The following HNF1B variants were observed in gnomAD, a reference collection of about 807,000 sequenced individuals.
HNF1B encodes hepatocyte nuclear factor 1-beta.
In HNF1B, 8 loss-of-function variants were observed where a neutral mutation model predicts 61.7. The observed-to-expected ratio is 0.13, with a 90% confidence interval of 0.08 to 0.23. HNF1B has a LOEUF of 0.23. Among genes scored for constraint, HNF1B ranks in the 10% least tolerant of loss-of-function variants. HNF1B has a pLI of 1.00. For synonymous variants in HNF1B, 314 were observed against 287.7 expected (o/e 1.09, Z -0.93); for missense variants, 562 against 714.5 (o/e 0.79, Z 2.43).
intron 1 of HNF1B, among the ~76,000 whole-genome samples, chr17:37,742,690 T>TA (rs2034031129): frequency 6.6e-6 from 1 of 151,860 alleles, no homozygotes; most frequent in East Asian, 2.0e-4. Context: ...GCCTGGGGCT[T>TA]TGGGGAGGGA....
intron 4 of HNF1B, among the ~76,000 whole-genome samples, chr17:37,719,723 A>G (rs559825682): frequency 6.6e-6 from 1 of 152,382 alleles, no homozygotes; most frequent in East Asian, 1.9e-4. Flanking sequence ...AGACTGAGCC[A>G]CTGGGTGTCC....
chr17:37,727,490 C>G (rs1026436909), intron 4 of HNF1B, among the ~76,000 whole-genome samples: 1 of 152,206 alleles, frequency 6.6e-6, no homozygotes, highest in African/African-American at 2.4e-5. Context: ...AAAGCCCCAA[C>G]TTAATTGTCA....
intron 1 of HNF1B, among the ~76,000 whole-genome samples, chr17:37,743,452 CCT>C (rs2034064460): frequency 6.6e-6 from 1 of 152,352 alleles, no homozygotes; most frequent in Non-Finnish European, 1.5e-5. Flanking sequence ...TACAAGTTCC[CCT>C]GATTGTTTTG....
chr17:37,695,973 G>C (rs545831195), intron 8 of HNF1B, among the ~76,000 whole-genome samples: 1 of 152,308 alleles, frequency 6.6e-6, no homozygotes, highest in Non-Finnish European at 1.5e-5. Context: ...AATGTGAGAA[G>C]GACATGAGAT....
intron 4 of HNF1B, among the ~76,000 whole-genome samples, chr17:37,724,938 A>G (rs73982527): frequency 3.6e-3 from 277 of 77,894 alleles, no homozygotes; most frequent in South Asian, 5.2e-3. Context: ...GTGTGTGTGT[A>G]TATATATATA....
intron 4 of HNF1B, chr17:37,730,917 T>G (rs1195417678): frequency 2.6e-5 from 4 of 156,418 alleles, no homozygotes; most frequent in Admixed American, 6.1e-5. Flanking sequence ...GATTCCATCC[T>G]GACAAACCCA....
intron 1 of HNF1B, among the ~76,000 whole-genome samples, chr17:37,742,134 C>T (rs988553770): frequency 2.0e-5 from 3 of 152,268 alleles, no homozygotes; most frequent in African/African-American, 7.2e-5. Flanking sequence ...CAGGGTCCGT[C>T]CCGCACGCTC....
At chr17:37,721,984 C>T (rs2033334045) in intron 4 of HNF1B, among the ~76,000 whole-genome samples, 1 of 152,084 alleles carries the variant, frequency 6.6e-6, no homozygotes, top group Non-Finnish European at 1.5e-5. Context: ...GTCGAAAGTT[C>T]TTATGCCTGT....
intron 5 of HNF1B, among the ~76,000 whole-genome samples, chr17:37,706,676 TAAAA>T (rs35797632): frequency 7.6e-6 from 1 of 131,164 alleles, no homozygotes; most frequent in Non-Finnish European, 1.6e-5. Flanking sequence ...TACCAGTCAT[TAAAA>T]AAAAAAAAAA....
chr17:37,706,218 C>G (rs2032744141), intron 5 of HNF1B, among the ~76,000 whole-genome samples: 1 of 152,158 alleles, frequency 6.6e-6, no homozygotes, highest in South Asian at 2.1e-4. Context: ...CTCAGCCTCC[C>G]AAAGTGCTGG....
At chr17:37,709,093 A>C (rs1477645719) in intron 5 of HNF1B, among the ~76,000 whole-genome samples, 1 of 151,984 alleles carries the variant, frequency 6.6e-6, no homozygotes, top group Non-Finnish European at 1.5e-5. Context: ...TCCCCTGAAA[A>C]ACAGAGCATG....
chr17:37,741,333 G>A (rs1207586915), intron 1 of HNF1B, among the ~76,000 whole-genome samples: 2 of 152,168 alleles, frequency 1.3e-5, no homozygotes, highest in Non-Finnish European at 2.9e-5. Flanking sequence ...TGAGAACACA[G>A]GCTTTGATAG....
chr17:37,689,482 C>A (rs1287739797), intron 8 of HNF1B, among the ~76,000 whole-genome samples: 2 of 152,198 alleles, frequency 1.3e-5, no homozygotes, highest in African/African-American at 4.8e-5. Flanking sequence ...CAAATGTTTG[C>A]TCACATAATA....
intron 7 of HNF1B, among the ~76,000 whole-genome samples, 176 bp from the exon 8 acceptor site, chr17:37,699,370 T>C (rs574862399): frequency 6.6e-5 from 10 of 152,276 alleles, no homozygotes; most frequent in Admixed American, 5.9e-4. Context: ...CCAAGTCACA[T>C]AACCAACTCC....
In HNF1B at chr17:37,687,048, C is replaced by T. The variant is rs573191475; in HGVS notation, c.*324G>A. Reference sequence around the variant, plus strand: ...ATTCAAGTTTTCGCATCAGTTTGTTCGATGAAGGATCACAACATAGACAGT... The same window carrying T: ...ATTCAAGTTTTCGCATCAGTTTGTTTGATGAAGGATCACAACATAGACAGT... On this transcript the variant is annotated 3_prime_UTR_variant, in exon 9 of 9. Transcript: ENST00000617811. 226 of 567,760 alleles carry T rather than the reference C, an allele frequency of 4.0e-4. 2 individuals are homozygous for T. The highest frequency in any genetic ancestry group is 2.7e-3 in the South Asian group (132 of 49,120). The allele number at this position is 567,760 out of a possible 1,614,324, so 35.2% of individuals were successfully genotyped here.
chr17:37,709,606 C>T (rs953304462), intron 5 of HNF1B, among the ~76,000 whole-genome samples: 1 of 152,160 alleles, frequency 6.6e-6, no homozygotes, highest in Non-Finnish European at 1.5e-5. Context: ...GCATTCTTCA[C>T]CAAGTGTGCT....
At chr17:37,728,308 G>A (rs1164809024) in intron 4 of HNF1B, among the ~76,000 whole-genome samples, 1 of 149,018 alleles carries the variant, frequency 6.7e-6, no homozygotes, top group African/African-American at 2.5e-5. Flanking sequence ...AGCCCACAGA[G>A]CGTTTTTTTT....
At chr17:37,693,370 T>C (rs2032273890) in intron 8 of HNF1B, among the ~76,000 whole-genome samples, 2 of 152,104 alleles carry the variant, frequency 1.3e-5, no homozygotes, top group Non-Finnish European at 2.9e-5. Context: ...TCCCCATTTA[T>C]AGATGAAGAA....
intron 5 of HNF1B, among the ~76,000 whole-genome samples, chr17:37,707,172 G>A (rs920903890): frequency 6.7e-6 from 1 of 150,228 alleles, no homozygotes; most frequent in African/African-American, 2.5e-5. Context: ...CTGGAGTGCA[G>A]TGGCATGATC....
Sources: gnomAD v4.1 joint callset for allele counts (sites outside exome capture counted in the v4.1 genomes callset) on GRCh38, gnomAD v4.1.1 for gene constraint, MANE v1.5 for transcripts, NCBI Gene and HGNC (gene_info 2026-07-23, HGNC 2026-07-21) for gene names.